Variants in APBA2 observed in about 807,000 individuals in gnomAD.
APBA2 encodes the protein amyloid-beta A4 precursor protein-binding family A member 2.
APBA2 carries 30 observed loss-of-function variants against 75.0 expected under a neutral mutation model. The observed-to-expected ratio is 0.40, with a 90% CI of 0.30 to 0.54. The LOEUF (loss-of-function observed/expected upper bound fraction) is 0.54, where lower values mean the gene tolerates loss of function less well. Among genes scored for constraint, APBA2 ranks in the 20% least tolerant of loss-of-function variants. The probability of loss-of-function intolerance (pLI) is 0.49; values close to 1 mark genes in which losing one functional copy is unlikely to be tolerated. For missense variants in APBA2, 801 were observed against 1,016.1 expected (o/e 0.79, Z 2.88); for synonymous variants, 444 against 409.6 (o/e 1.08, Z -1.01).
chr15:28,968,807 A>G (rs1566854881), intron 2 of APBA2, among the ~76,000 whole-genome samples: 1 of 152,228 alleles, frequency 6.6e-6, no homozygotes, highest in Non-Finnish European at 1.5e-5. Context: ...AGAAGAGGAA[A>G]TGCGGAAGCA....
In APBA2 at chr15:28,909,233, G is replaced by A. The variant is rs1427388054; in HGVS notation, c.-204-12407G>A. Among the ~76,000 whole-genome samples, 4 of 151,634 alleles carry A rather than the reference G, an allele frequency of 2.6e-5. 1 individual carries two copies. The highest frequency in any genetic ancestry group is 7.3e-5 in the African/African-American group (3 of 41,244). ...TCTCAATCTCCTGACCTCGTGATCC[G>A]CCCGCCTCGGCCTCCCAAAGTGCTG... On this transcript the variant is annotated intron_variant, in intron 1 of 14. Coordinates refer to ENST00000683413, the MANE Select transcript of APBA2 (RefSeq NM_001353788.2).
chr15:29,046,402 C>A lies in APBA2; in HGVS notation c.-40-7443C>A, dbSNP rs898817421. Among the ~76,000 whole-genome samples, 6 of 152,166 alleles carry A rather than the reference C, an allele frequency of 3.9e-5. No homozygotes were observed. The highest frequency in any genetic ancestry group is 1.2e-4 in the African/African-American group (5 of 41,442). On this transcript the variant is annotated intron_variant, in intron 3 of 14. Coordinates refer to ENST00000683413, the MANE Select transcript of APBA2 (RefSeq NM_001353788.2). This position sits in a 1 kb window ranked among gnomAD's most constrained non-coding sequence, Gnocchi z 5.0. Reference sequence around the variant, plus strand: ...CGTCCTGCCAGGCCACCCACCTTTGCCCTTGTTTGAAGAAGCTGGGGACAG... The same window carrying A: ...CGTCCTGCCAGGCCACCCACCTTTGACCTTGTTTGAAGAAGCTGGGGACAG...
intron 2 of APBA2, among the ~76,000 whole-genome samples, chr15:28,950,304 G>A (rs1231415029): frequency 6.6e-6 from 1 of 152,140 alleles, no homozygotes; most frequent in African/African-American, 2.4e-5. Flanking sequence ...AGCTGGCTGA[G>A]GTAGCATGTG....
chr15:29,054,479 G>A lies in APBA2; in HGVS notation c.595G>A (p.Glu199Lys), dbSNP rs146641926. The stretch of plus-strand genomic sequence containing the variant: ...AGAGGGCTACCAGGACTACTACCCC[G>A]AGGAGGCCAACGGGAACACCGGCGC... ...SKEGYQDYYP[E>K]EANGNTGASP... Residue 199 changes from glutamate to lysine, a missense_variant, in exon 4 of 15, where the codon GAG becomes AAG. Transcript: ENST00000683413. The surrounding 1 kb of genome is among the most constrained non-coding windows in gnomAD (Gnocchi z 6.1). 35 of 1,613,900 alleles carry A rather than the reference G, an allele frequency of 2.2e-5. No individual in the cohort carries two copies. Among genetic ancestry groups the A allele is most frequent in the Middle Eastern group, 1.6e-4 (1 of 6,084 alleles).
chr15:28,908,668 G>A (rs1406971741), intron 1 of APBA2, among the ~76,000 whole-genome samples: 1 of 152,120 alleles, frequency 6.6e-6, no homozygotes, highest in East Asian at 1.9e-4. Context: ...CAGGCTCCTG[G>A]TTATGCAATA....
chr15:29,084,196 T>G (rs2043195008), intron 6 of APBA2, among the ~76,000 whole-genome samples: 1 of 152,218 alleles, frequency 6.6e-6, no homozygotes, highest in African/African-American at 2.4e-5. Context: ...TTTCTTGAGT[T>G]TTTCCTGGCA....
chr15:29,017,688 C>T (rs4779678), intron 3 of APBA2, among the ~76,000 whole-genome samples: 55,474 of 151,958 alleles, frequency 0.37, 16,555 homozygotes, highest in African/African-American at 0.79. Flanking sequence ...CTTTTCTTTC[C>T]GTTCTGTTTT....
rs1423564428 is a variant in APBA2 at position 28,918,312 on chromosome 15, A to G, written c.-204-3328A>G. On this transcript the variant is annotated intron_variant, in intron 1 of 14. Coordinates refer to ENST00000683413, the MANE Select transcript of APBA2 (RefSeq NM_001353788.2). This position sits in a 1 kb window ranked among gnomAD's most constrained non-coding sequence, Gnocchi z 4.2. The stretch of plus-strand genomic sequence containing the variant: ...AGCCAAGCCCCTTCTTTATTTTGGA[A>G]TGGCCACCTGGCCAACTGGCACACA... 1.3e-5 allele frequency among the ~76,000 whole-genome samples: 2 copies of G among 152,116 alleles called. No individual in the cohort carries two copies. Among genetic ancestry groups the G allele is most frequent in the Non-Finnish European group, 2.9e-5 (2 of 68,022 alleles).
intron 3 of APBA2, among the ~76,000 whole-genome samples, chr15:28,999,569 G>T (rs761269928): frequency 9.2e-5 from 14 of 152,154 alleles, no homozygotes; most frequent in Non-Finnish European, 2.1e-4. Flanking sequence ...AAGCAAGGGG[G>T]CCTTCATGTC....
At chr15:29,045,103 C>CTCTCT (rs57446098) in intron 3 of APBA2, among the ~76,000 whole-genome samples, 34 of 140,348 alleles carry the variant, frequency 2.4e-4, no homozygotes, top group East Asian at 1.1e-3. Context: ...CTCTCTCTCT[C>CTCTCT]GTCTCGCACT....
chr15:28,921,246 A>G (rs2033954466), intron 1 of APBA2, among the ~76,000 whole-genome samples: 1 of 152,190 alleles, frequency 6.6e-6, no homozygotes, highest in Non-Finnish European at 1.5e-5. Flanking sequence ...AACCTGAAAT[A>G]TTAATGGCAC....
intron 3 of APBA2, among the ~76,000 whole-genome samples, chr15:29,051,252 C>G (rs1431238329): frequency 6.6e-6 from 1 of 152,162 alleles, no homozygotes; most frequent in African/African-American, 2.4e-5. Context: ...TGAGTGCTGG[C>G]CCCTTGTTCT....
intron 14 of APBA2, 47 bp downstream of exon 14, chr15:29,114,063 C>T: frequency 1.2e-6 from 2 of 1,612,966 alleles, no homozygotes; most frequent in Non-Finnish European, 1.7e-6. Context: ...TTCCCACGTG[C>T]TCCCGCCTGC....
chr15:28,964,752 T>G (rs2152743151), intron 2 of APBA2, among the ~76,000 whole-genome samples: 1 of 152,232 alleles, frequency 6.6e-6, no homozygotes, highest in East Asian at 1.9e-4. Flanking sequence ...CCTCCGAAAG[T>G]GCTGGGATTA....
At chr15:29,012,730 G>A (rs2039461092) in intron 3 of APBA2, among the ~76,000 whole-genome samples, 1 of 152,144 alleles carries the variant, frequency 6.6e-6, no homozygotes, top group African/African-American at 2.4e-5. Flanking sequence ...ACCCCTCTGT[G>A]TTTCAACTCT....
At chr15:28,982,482 C>T (rs888530679) in intron 2 of APBA2, among the ~76,000 whole-genome samples, 1 of 152,214 alleles carries the variant, frequency 6.6e-6, no homozygotes, top group South Asian at 2.1e-4. Flanking sequence ...AGCAGCTTGA[C>T]CTTGTTAGCA....
chr15:28,895,206 C>T (rs1464706497), intron 1 of APBA2, among the ~76,000 whole-genome samples: 1 of 152,198 alleles, frequency 6.6e-6, no homozygotes, highest in Non-Finnish European at 1.5e-5. Flanking sequence ...GCCTGGGTCC[C>T]CAGGCAGCTC....
chr15:28,979,014 A>G (rs2037483138), intron 2 of APBA2, among the ~76,000 whole-genome samples: 1 of 152,168 alleles, frequency 6.6e-6, no homozygotes, highest in African/African-American at 2.4e-5. Flanking sequence ...TCTGGCTACA[A>G]CGGGTCCCCA....
intron 6 of APBA2, among the ~76,000 whole-genome samples, chr15:29,086,693 C>T (rs1166802791): frequency 6.6e-6 from 1 of 152,170 alleles, no homozygotes; most frequent in African/African-American, 2.4e-5. Context: ...TAGAATACAT[C>T]CCACAAGGGA....
Sources: allele counts gnomAD v4.1 joint callset (sites outside exome capture counted in the v4.1 genomes callset), GRCh38; gene constraint gnomAD v4.1.1; non-coding constraint Gnocchi (gnomAD v3.1); transcripts MANE v1.5; gene names NCBI Gene and HGNC (gene_info 2026-07-23, HGNC 2026-07-21).